Variants in DCDC1 observed in about 807,000 individuals in gnomAD.
The protein encoded by DCDC1 is doublecortin domain-containing protein 1.
DCDC1 carries 200 observed loss-of-function variants against 178.3 expected under a neutral mutation model. The ratio of observed to expected loss-of-function variants is 1.12; its 90% CI spans 1.00 to 1.26. DCDC1 has a LOEUF of 1.26. DCDC1 is among the 50% of genes most tolerant of loss of function. DCDC1 has a pLI of 0.00. For missense variants in DCDC1, 1,983 were observed against 1,749.2 expected (o/e 1.13, Z -2.38); for synonymous variants, 690 against 604.8 (o/e 1.14, Z -2.07).
rs187534620 is a variant in DCDC1 at position 31,306,549 on chromosome 11, A to G, written c.435-161T>C. Among the ~76,000 whole-genome samples, 347 of 152,232 alleles carry G rather than the reference A, an allele frequency of 2.3e-3. 2 individuals are homozygous for G. In the Middle Eastern group the frequency reaches 0.051, roughly 22 times the overall value. Reference sequence around the variant, plus strand: ...CTTTTTATAGGATAAGATTGTTGTTACAGAGTAACACTCTCACTATTTAAA... The same window carrying G: ...CTTTTTATAGGATAAGATTGTTGTTGCAGAGTAACACTCTCACTATTTAAA... On this transcript the variant is annotated intron_variant, in intron 4 of 38. Transcript: ENST00000684477.
rs144582975 is a variant in DCDC1, at chr11:31,231,102, A to C, written c.1221+10348T>G. On this transcript the variant is annotated intron_variant, in intron 9 of 38. Transcript: ENST00000684477. Reference sequence around the variant, plus strand: ...AGCCTCCCAAATAGCTGGTACCACAAGCATGCATGCACCATCACATCTGGC... The same window carrying C: ...AGCCTCCCAAATAGCTGGTACCACACGCATGCATGCACCATCACATCTGGC... 2.5e-3 allele frequency among the ~76,000 whole-genome samples: 378 copies of C among 151,974 alleles called. 2 individuals are homozygous for C. The highest frequency in any genetic ancestry group is 8.6e-3 in the African/African-American group (358 of 41,470).
chr11:31,242,018 A>G (rs1977207545), intron 8 of DCDC1, among the ~76,000 whole-genome samples: 1 of 151,944 alleles, frequency 6.6e-6, no homozygotes, highest in Non-Finnish European at 1.5e-5. Context: ...CTTGTAGAGC[A>G]CTCTATATAC....
At chr11:30,910,674 G>T (rs577916429) in intron 28 of DCDC1, among the ~76,000 whole-genome samples, 2 of 151,856 alleles carry the variant, frequency 1.3e-5, no homozygotes, top group African/African-American at 4.8e-5. Flanking sequence ...ACACATATTC[G>T]TTTAAGAGTG....
intron 9 of DCDC1, among the ~76,000 whole-genome samples, chr11:31,206,298 A>T (rs1056995146): frequency 2.6e-5 from 4 of 152,310 alleles, no homozygotes; most frequent in African/African-American, 9.6e-5. Flanking sequence ...ATGTCAGGCA[A>T]AGTGAAATAC....
At chr11:31,097,076 T>G (rs1958212057) in intron 15 of DCDC1, among the ~76,000 whole-genome samples, 1 of 152,252 alleles carries the variant, frequency 6.6e-6, no homozygotes, top group Admixed American at 6.5e-5. Flanking sequence ...TTTTATTCTT[T>G]TAAACACTTA....
At chr11:31,206,353 A>G (rs183283073) in intron 9 of DCDC1, among the ~76,000 whole-genome samples, 1 of 152,270 alleles carries the variant, frequency 6.6e-6, no homozygotes, top group Non-Finnish European at 1.5e-5. Flanking sequence ...GTTTACCCTG[A>G]ATCTATCCAA....
chr11:31,337,751 GT>G (rs1219483579), intron 1 of DCDC1, among the ~76,000 whole-genome samples: 3 of 152,150 alleles, frequency 2.0e-5, no homozygotes, highest in Non-Finnish European at 4.4e-5. Flanking sequence ...ATTGTGTTAG[GT>G]GACCTCAAAG....
intron 20 of DCDC1, among the ~76,000 whole-genome samples, chr11:31,016,631 C>T (rs112316929): frequency 5.9e-5 from 9 of 151,954 alleles, no homozygotes; most frequent in African/African-American, 1.2e-4. Context: ...GAATGCATTC[C>T]GTGGACAAAG....
chr11:31,044,464 C>A (rs1211629033), intron 20 of DCDC1, among the ~76,000 whole-genome samples: 2 of 124,766 alleles, frequency 1.6e-5, no homozygotes, highest in Non-Finnish European at 3.2e-5. Context: ...GGCGACAGAG[C>A]GATACTCCAT....
Position 31,281,096 on chromosome 11 carries a change from C to A in DCDC1, c.960+9551G>T. 3 of 390,106 alleles carry A rather than the reference C, an allele frequency of 7.7e-6. 1 individual carries two copies. The South Asian group carries it at 7.8e-5, about 10-fold the overall frequency. The allele number at this position is 390,106 out of a possible 1,614,324, so 24.2% of individuals were successfully genotyped here. On this transcript the variant is annotated intron_variant, in intron 7 of 38. Transcript: ENST00000684477. Reference sequence around the variant, plus strand: ...TCACTAGCATATAGAATTTCACTGACCTTGTATCCTGCAAACTTGCTGAAT... The same window carrying A: ...TCACTAGCATATAGAATTTCACTGAACTTGTATCCTGCAAACTTGCTGAAT...
chr11:31,188,816 A>G (rs1969807698), intron 9 of DCDC1, among the ~76,000 whole-genome samples: 1 of 152,172 alleles, frequency 6.6e-6, no homozygotes, highest in East Asian at 1.9e-4. Context: ...ATGGTCTGAA[A>G]ATGTGTGTGT....
At chr11:30,925,488 G>A in intron 22 of DCDC1, 80 bp from the exon 23 acceptor site, 2 of 1,255,340 alleles carry the variant, frequency 1.6e-6, no homozygotes, top group Non-Finnish European at 2.3e-6. Context: ...GAAATCTGGG[G>A]CCTGAATCCA....
At chr11:31,339,358 G>A (rs1395283137) in intron 1 of DCDC1, among the ~76,000 whole-genome samples, 2 of 152,188 alleles carry the variant, frequency 1.3e-5, no homozygotes, top group African/African-American at 4.8e-5. Flanking sequence ...GCACTCACCA[G>A]ACACTGCTGG....
Position 30,900,518 on chromosome 11 carries a change from A to C in DCDC1, c.4511-20T>G, listed in dbSNP as rs1460410403. 2.0e-6 allele frequency: 3 copies of C among 1,497,740 alleles called. No homozygotes were observed. The highest frequency in any genetic ancestry group is 2.8e-5 in the African/African-American group (2 of 71,922). 92.8% of individuals were successfully genotyped at this position (1,497,740 alleles called of 1,614,324 possible). ...GATTTTCTGGTGGAAAAAATGACAC[A>C]TTTATCATTGTTCAACGAATAATGA... On this transcript the variant is annotated intron_variant, in intron 32 of 38. Transcript: ENST00000684477.
chr11:31,165,165 G>C (rs1207097884), intron 9 of DCDC1, among the ~76,000 whole-genome samples: 1 of 152,146 alleles, frequency 6.6e-6, no homozygotes, highest in Non-Finnish European at 1.5e-5. Context: ...AACAGTATAT[G>C]AGTGCCTGTT....
intron 22 of DCDC1, among the ~76,000 whole-genome samples, chr11:30,926,093 G>A (rs1183506662): frequency 6.6e-6 from 1 of 152,156 alleles, no homozygotes; most frequent in African/African-American, 2.4e-5. Context: ...GTGAGCAATT[G>A]AAGTGTAATA....
chr11:31,213,251 CTAT>C (rs1973028480), intron 9 of DCDC1, among the ~76,000 whole-genome samples: 1 of 150,390 alleles, frequency 6.6e-6, no homozygotes, highest in Non-Finnish European at 1.5e-5. Flanking sequence ...TGGATATTTT[CTAT>C]TCAGGGTCTA....
At chr11:31,246,263 T>C (rs1943557598) in intron 8 of DCDC1, among the ~76,000 whole-genome samples, 1 of 152,044 alleles carries the variant, frequency 6.6e-6, no homozygotes, top group African/African-American at 2.4e-5. Context: ...ATTGTAATTT[T>C]CACATTTCAG....
At chr11:31,182,728 A>G (rs1425794358) in intron 9 of DCDC1, among the ~76,000 whole-genome samples, 4 of 152,226 alleles carry the variant, frequency 2.6e-5, no homozygotes, top group Non-Finnish European at 5.9e-5. Flanking sequence ...TCATAATGAC[A>G]GGATCAAATT....
Sources: allele counts gnomAD v4.1 joint callset (sites outside exome capture counted in the v4.1 genomes callset), GRCh38; gene constraint gnomAD v4.1.1; transcripts MANE v1.5; gene names NCBI Gene and HGNC (gene_info 2026-07-23, HGNC 2026-07-21).